STIMATE: variants seen among roughly 807,000 people sequenced by gnomAD.
STIMATE encodes the protein STIM activating enhancer.
STIMATE carries 15 observed loss-of-function variants against 36.7 expected under a neutral mutation model. That is an observed-to-expected ratio of 0.41 (90% CI 0.27 to 0.63). The LOEUF (loss-of-function observed/expected upper bound fraction) is 0.63, where lower values mean the gene tolerates loss of function less well. Ranked by LOEUF, STIMATE falls within the 20% of genes least tolerant of loss-of-function variation. STIMATE has a pLI of 0.32. For missense variants in STIMATE, 305 were observed against 397.3 expected, an observed-to-expected ratio of 0.77 and a Z score of 1.98; for synonymous variants, 163 against 162.3, an observed-to-expected ratio of 1.00 and a Z score of -0.03.
chr3:52,862,017 C>T lies in STIMATE; in HGVS notation c.161-6573G>A, dbSNP rs76532517. On this transcript the variant is annotated intron_variant, in intron 1 of 7. Coordinates refer to ENST00000355083, the MANE Select transcript of STIMATE (RefSeq NM_198563.5). ...TATGCCGAGGGCTTGCCAGCCTCTC[C>T]CTCCAGCCCTGGCCTCCCAGTGATG... Among the ~76,000 whole-genome samples, 90 of 152,300 alleles carry T rather than the reference C, an allele frequency of 5.9e-4. 1 individual carries two copies. The East Asian group carries it at 0.016, about 27-fold the overall frequency.
chr3:52,876,044 T>C (rs561286965), intron 1 of STIMATE, among the ~76,000 whole-genome samples: 7 of 152,250 alleles, frequency 4.6e-5, no homozygotes, highest in Non-Finnish European at 1.0e-4. Flanking sequence ...TGCATTCAAC[T>C]GAGTTCCCAT....
intron 1 of STIMATE, among the ~76,000 whole-genome samples, chr3:52,890,858 TGCTTCTGCTGCTCTG>T (rs1701771678): frequency 6.6e-6 from 1 of 152,194 alleles, no homozygotes; most frequent in Non-Finnish European, 1.5e-5. Flanking sequence ...CCGTGCTGCC[TGCTTCTGCTGCTCTG>T]GGGTAGGGCG....
intron 1 of STIMATE, chr3:52,895,764 C>T (rs1164757488): frequency 3.2e-6 from 2 of 624,758 alleles, no homozygotes; most frequent in Middle Eastern, 3.7e-4. Context: ...CAGAGCTAGG[C>T]TAAGAAACCT....
At chr3:52,854,304 G>C (rs1701055336) in intron 2 of STIMATE, among the ~76,000 whole-genome samples, 1 of 152,132 alleles carries the variant, frequency 6.6e-6, no homozygotes, top group African/African-American at 2.4e-5. Flanking sequence ...CTTCAGGATG[G>C]GGCTAGTCAC....
chr3:52,847,497 G>A, intron 4 of STIMATE: 14 of 1,289,770 alleles, frequency 1.1e-5, no homozygotes, highest in Non-Finnish European at 1.4e-5. Flanking sequence ...CCGGGGCTGT[G>A]TGGCTTATTT....
In STIMATE at chr3:52,843,777, C is replaced by G. The variant is rs752971306; in HGVS notation, c.562G>C (p.Glu188Gln). 1 of 1,603,618 alleles carries G rather than the reference C, an allele frequency of 6.2e-7. No homozygotes were observed. Among genetic ancestry groups the G allele is most frequent in the Non-Finnish European group, 8.5e-7 (1 of 1,173,530 alleles). Residue 188 changes from glutamate to glutamine, a missense_variant, in exon 6 of 8, where the codon GAA (glutamate) becomes CAA (glutamine). Physicochemically the swap from Glu to Gln is conservative, Grantham distance 29. Coordinates refer to ENST00000355083, the MANE Select transcript of STIMATE (RefSeq NM_198563.5). Reference sequence around the variant, plus strand: ...ATGGCCAGCTTCAAGTCTGGGTTTTCAATGGGATTCAACAGGGCCACCTGT... The same window carrying G: ...ATGGCCAGCTTCAAGTCTGGGTTTTGAATGGGATTCAACAGGGCCACCTGT... ...WKKVALLNPI[E>Q]NPDLKLAIVM... is the part of the protein sequence containing the mutation.
chr3:52,889,304 G>A (rs981344642), intron 1 of STIMATE, among the ~76,000 whole-genome samples: 7 of 152,330 alleles, frequency 4.6e-5, no homozygotes, highest in Middle Eastern at 3.4e-3. Flanking sequence ...CTCAGTGGGC[G>A]ACGGTGGTTC....
rs541134564 is a variant in STIMATE, at chr3:52,847,337, G to A, written c.428-2396C>T. 7.4e-6 allele frequency: 9 copies of A among 1,213,344 alleles called. No homozygotes were observed. In the Admixed American group the frequency reaches 1.3e-4, roughly 17 times the overall value. The allele number at this position is 1,213,344 out of a possible 1,614,324, so 75.2% of individuals were successfully genotyped here. A position where few individuals can be genotyped will look rare whatever the true frequency, so the allele number is the denominator to read the frequency against. On this transcript the variant is annotated intron_variant, in intron 4 of 7. Transcript: ENST00000355083. ...CAAAAGGAGGGAACACATCTGTGGC[G>A]AGAGGCTTTCAAAAGGGAGAGTTTG...
At chr3:52,875,101 G>A (rs1385934165) in intron 1 of STIMATE, among the ~76,000 whole-genome samples, 1 of 152,164 alleles carries the variant, frequency 6.6e-6, no homozygotes, top group Non-Finnish European at 1.5e-5. Context: ...TGGTAGATGG[G>A]AGGTCCCTGT....
chr3:52,853,600 A>T (rs1039010681), intron 2 of STIMATE, among the ~76,000 whole-genome samples: 6 of 152,158 alleles, frequency 3.9e-5, no homozygotes, highest in Admixed American at 3.9e-4. Flanking sequence ...ACTGCAAAGG[A>T]GGAGTTACCA....
At chr3:52,876,708 A>AT (rs1260461042) in intron 1 of STIMATE, among the ~76,000 whole-genome samples, 22 of 152,040 alleles carry the variant, frequency 1.4e-4, no homozygotes, top group African/African-American at 4.3e-4. Flanking sequence ...TCTTAATAAC[A>AT]TTTTTTCTCA....
intron 1 of STIMATE, among the ~76,000 whole-genome samples, chr3:52,883,084 C>T (rs1227652870): frequency 1.3e-5 from 2 of 152,170 alleles, no homozygotes; most frequent in Admixed American, 1.3e-4. Flanking sequence ...TCAAAACTTA[C>T]AAAGGGGCCA....
At position 52,844,921 on chromosome 3, in the gene STIMATE, C is replaced by A. The variant is rs1409675666; in HGVS notation, c.448G>T (p.Ala150Ser). Residue 150 changes from alanine (A) to serine (S), a missense_variant, in exon 5 of 8, where the codon GCC becomes TCC. Transcript: ENST00000355083. ...GEYGDPLQCG[A>S]WVGQCALYIV... ...TAAAGAGCGCACTGCCCGACCCAGG[C>A]TCCACACTGCAGAGGGTCTCCTGCA... 17 of 1,613,966 alleles carry A rather than the reference C, an allele frequency of 1.1e-5. No individual in the cohort carries two copies. Among genetic ancestry groups the A allele is most frequent in the Non-Finnish European group, 1.4e-5 (16 of 1,179,952 alleles).
intron 2 of STIMATE, among the ~76,000 whole-genome samples, chr3:52,854,413 T>A (rs761640911): frequency 2.5e-4 from 38 of 152,188 alleles, no homozygotes; most frequent in Non-Finnish European, 4.6e-4. Context: ...TAACAATCAA[T>A]CATGCCTACA....
chr3:52,843,815 A>C lies in STIMATE; in HGVS notation c.541-17T>G, dbSNP rs1195470026. 2 of 1,609,496 alleles carry C rather than the reference A, an allele frequency of 1.2e-6. No individual in the cohort carries two copies. The highest frequency in any genetic ancestry group is 2.2e-5 in the South Asian group (2 of 90,962). ...CAGGGCCACCTGTAAAGAGAAGCAG[A>C]CTCAGTGAGGTAGGGAGAGGCCACC... On this transcript the variant is annotated splice_polypyrimidine_tract_variant and intron_variant, in intron 5 of 7. Coordinates refer to ENST00000355083, the MANE Select transcript of STIMATE (RefSeq NM_198563.5).
At chr3:52,874,945 C>T (rs1701474662) in intron 1 of STIMATE, among the ~76,000 whole-genome samples, 1 of 152,224 alleles carries the variant, frequency 6.6e-6, no homozygotes, top group African/African-American at 2.4e-5. Context: ...TAAAAACCTT[C>T]CTCAAACCCA....
intron 4 of STIMATE, chr3:52,847,689 C>A: frequency 1.8e-6 from 1 of 563,694 alleles, no homozygotes; most frequent in South Asian, 1.7e-5. Flanking sequence ...CACACAGTTG[C>A]CTACATCCAA....
At chr3:52,860,126 T>TAAA (rs11295589) in intron 1 of STIMATE, among the ~76,000 whole-genome samples, 1 of 135,466 alleles carries the variant, frequency 7.4e-6, no homozygotes, top group Non-Finnish European at 1.6e-5. Context: ...GTAAAGGGGG[T>TAAA]AAAAAAAAAA....
intron 1 of STIMATE, among the ~76,000 whole-genome samples, chr3:52,860,776 G>GA (rs1701204049): frequency 6.6e-6 from 1 of 152,240 alleles, no homozygotes. Flanking sequence ...GCTGACAGTG[G>GA]ACGTGGGGTG....
Sources: allele counts gnomAD v4.1 joint callset (sites outside exome capture counted in the v4.1 genomes callset), GRCh38; gene constraint gnomAD v4.1.1; transcripts MANE v1.5; gene names NCBI Gene and HGNC (gene_info 2026-07-23, HGNC 2026-07-21).